Variants in FAM178B observed in about 807,000 individuals in gnomAD.
FAM178B encodes the protein family with sequence similarity 178 member B.
Under a neutral mutation model 91.7 loss-of-function variants are expected in FAM178B, and 82 were observed. The ratio of observed to expected loss-of-function variants is 0.89; its 90% CI spans 0.75 to 1.07. The LOEUF (loss-of-function observed/expected upper bound fraction) is 1.07. Among genes scored for constraint, FAM178B ranks in the 50% least tolerant of loss-of-function variants. The probability of loss-of-function intolerance (pLI) is 0.00; values close to 1 mark genes in which losing one functional copy is unlikely to be tolerated. For missense variants in FAM178B, 769 were observed against 846.7 expected, an observed-to-expected ratio of 0.91 and a Z score of 1.14; for synonymous variants, 368 against 359.4, an observed-to-expected ratio of 1.02 and a Z score of -0.27.
chr2:96,985,731 A>T (rs1196286715), intron 1 of FAM178B, among the ~76,000 whole-genome samples: 1 of 152,162 alleles, frequency 6.6e-6, no homozygotes, highest in Non-Finnish European at 1.5e-5. Flanking sequence ...CTTTTAAACA[A>T]ATATTTAATA....
At chr2:96,905,589 A>G (rs1253639287) in intron 12 of FAM178B, among the ~76,000 whole-genome samples, 1 of 149,956 alleles carries the variant, frequency 6.7e-6, no homozygotes, top group East Asian at 1.9e-4. Context: ...AAAGAAAAAA[A>G]AAGTTCAGCT....
At chr2:96,972,508 G>A (rs1010740206) in intron 2 of FAM178B, 30 bp downstream of exon 2, 2 of 1,549,570 alleles carry the variant, frequency 1.3e-6, no homozygotes, top group Admixed American at 2.0e-5. Context: ...CCTCAGTGGG[G>A]ATTTACCTGT....
chr2:96,945,925 C>T (rs1307032583), intron 8 of FAM178B, among the ~76,000 whole-genome samples: 2 of 152,148 alleles, frequency 1.3e-5, no homozygotes, highest in African/African-American at 4.8e-5. Context: ...GTACAATCAC[C>T]ACTACCATCC....
chr2:96,960,209 G>A (rs575615413), intron 6 of FAM178B, 79 bp downstream of exon 6: 1 of 1,475,784 alleles, frequency 6.8e-7, no homozygotes, highest in Admixed American at 2.4e-5. Context: ...CCTTTGGGGT[G>A]GCCCTTATCC....
At chr2:96,905,941 G>A (rs1462141932) in intron 12 of FAM178B, among the ~76,000 whole-genome samples, 2 of 133,630 alleles carry the variant, frequency 1.5e-5, no homozygotes, top group South Asian at 2.4e-4. Flanking sequence ...GTGCGATATC[G>A]GCTCACCGCA....
rs753046466 is a variant in FAM178B, at chr2:96,970,770, C to A, written c.572G>T (p.Trp191Leu). Residue 191 changes from tryptophan to leucine, a missense_variant, in exon 4 of 17, where the codon TGG becomes TTG. Trp to Leu is a moderately conservative substitution (Grantham distance 61, BLOSUM62 -2). Transcript: ENST00000490605. ...SQQAAAPEFS[W>L]GGSGSYFNNL... is the part of the protein sequence containing the mutation. ...GTTGAAGTAGCTTCCTGAGCCCCCC[C>A]AGGAAAACTGGAGAAACAGGACATG... The A allele has an allele frequency of 5.8e-6, 9 of 1,550,822 alleles. No homozygotes were observed. The highest frequency in any genetic ancestry group is 7.0e-6 in the Non-Finnish European group (8 of 1,146,572).
chr2:96,906,449 C>T (rs757072339), intron 12 of FAM178B, among the ~76,000 whole-genome samples: 2 of 152,156 alleles, frequency 1.3e-5, no homozygotes, highest in African/African-American at 2.4e-5. Flanking sequence ...AACCATTCCC[C>T]TCCATGCCTG....
At chr2:96,894,938 T>G in intron 13 of FAM178B, 1 of 479,568 alleles carries the variant, frequency 2.1e-6, no homozygotes, top group Non-Finnish European at 3.4e-6. Context: ...CCCCCTGCAC[T>G]GCCGCTCTGC....
At chr2:96,881,419 T>A (rs1467728601) in intron 14 of FAM178B, among the ~76,000 whole-genome samples, 1 of 151,942 alleles carries the variant, frequency 6.6e-6, no homozygotes, top group Non-Finnish European at 1.5e-5. Context: ...CCCTGGGCTG[T>A]CTGCGAGGGA....
At chr2:96,940,357 G>T (rs1235759409) in intron 8 of FAM178B, among the ~76,000 whole-genome samples, 1 of 152,200 alleles carries the variant, frequency 6.6e-6, no homozygotes, top group Non-Finnish European at 1.5e-5. Context: ...TCCACTCCAG[G>T]GGCTCTGACT....
intron 1 of FAM178B, among the ~76,000 whole-genome samples, chr2:96,981,355 C>T (rs2082357843): frequency 6.6e-6 from 1 of 152,152 alleles, no homozygotes. Flanking sequence ...CGTGAACACT[C>T]AATCATCATG....
At chr2:96,955,227 G>A (rs1387371979) in intron 6 of FAM178B, among the ~76,000 whole-genome samples, 4 of 151,904 alleles carry the variant, frequency 2.6e-5, no homozygotes, top group African/African-American at 7.3e-5. Flanking sequence ...TTAGCCATGC[G>A]AGACCGGGTG....
At chr2:96,877,742 C>A in intron 16 of FAM178B, 148 bp downstream of exon 16, 1 of 762,310 alleles carries the variant, frequency 1.3e-6, no homozygotes, top group East Asian at 2.7e-5. Flanking sequence ...CTCAAGGCGT[C>A]CCCACCCTTC....
chr2:96,885,425 G>T (rs2080492893), intron 14 of FAM178B, among the ~76,000 whole-genome samples: 1 of 152,240 alleles, frequency 6.6e-6, no homozygotes, highest in South Asian at 2.1e-4. Context: ...TCTATCTCTA[G>T]CTGGGGCCTG....
At chr2:96,932,375 A>T (rs1305357023) in intron 8 of FAM178B, among the ~76,000 whole-genome samples, 1 of 152,232 alleles carries the variant, frequency 6.6e-6, no homozygotes, top group Non-Finnish European at 1.5e-5. Flanking sequence ...CGGGACAGTT[A>T]AGTCCCTATC....
Position 96,929,335 on chromosome 2 carries a change from G to C in FAM178B, c.1079-15C>G, listed in dbSNP as rs1043381771. Reference sequence around the variant, plus strand: ...CTTGTCTTCATCTGTCAGGCCAAAAGGGAGCAGAGAGTTAGAATGGGGAAC... The same window carrying C: ...CTTGTCTTCATCTGTCAGGCCAAAACGGAGCAGAGAGTTAGAATGGGGAAC... On this transcript the variant is annotated splice_polypyrimidine_tract_variant and intron_variant, in intron 8 of 16. Transcript: ENST00000490605. 2 of 1,530,082 alleles carry C rather than the reference G, an allele frequency of 1.3e-6. No individual in the cohort carries two copies. The highest frequency in any genetic ancestry group is 3.9e-5 in the Admixed American group (2 of 50,872). The allele number at this position is 1,530,082 out of a possible 1,614,324, so 94.8% of individuals were successfully genotyped here.
chr2:96,971,938 T>C lies in FAM178B; in HGVS notation c.527A>G (p.Asn176Ser). ...AGCCTGCTGGCTCAGGCCTGACGTG[T>C]TCCAGAACAGCTTCTCTGGCAAGGC... ...GLALPEKLFWNTSGLSQQAAA... is the reference protein window; with the variant it reads ...GLALPEKLFWSTSGLSQQAAA... Residue 176 changes from asparagine to serine, a missense_variant, in exon 3 of 17, where the codon AAC (asparagine) becomes AGC (serine). Physicochemically the swap from Asn to Ser is conservative, Grantham distance 46 (BLOSUM62 1). Coordinates refer to ENST00000490605, the MANE Select transcript of FAM178B (RefSeq NM_001122646.3). 1.9e-6 allele frequency: 3 copies of C among 1,538,566 alleles called. No homozygotes were observed. Among genetic ancestry groups the C allele is most frequent in the Non-Finnish European group, 1.8e-6 (2 of 1,141,362 alleles).
chr2:96,953,724 G>A (rs1256772769), intron 6 of FAM178B, among the ~76,000 whole-genome samples: 1 of 152,214 alleles, frequency 6.6e-6, no homozygotes, highest in Non-Finnish European at 1.5e-5. Context: ...TAGAGGCAAG[G>A]ACTCCCCTCT....
At chr2:96,898,874 A>G (rs958790170) in intron 13 of FAM178B, among the ~76,000 whole-genome samples, 1 of 152,230 alleles carries the variant, frequency 6.6e-6, no homozygotes, top group Middle Eastern at 3.2e-3. Flanking sequence ...CAGACACAGC[A>G]AAAGCTGTGT....
Sources: gnomAD v4.1 joint callset for allele counts (sites outside exome capture counted in the v4.1 genomes callset) on GRCh38, gnomAD v4.1.1 for gene constraint, MANE v1.5 for transcripts, NCBI Gene and HGNC (gene_info 2026-07-23, HGNC 2026-07-21) for gene names.